Variants in NXPH2 observed in about 807,000 individuals in gnomAD.
The protein encoded by NXPH2 is neurexophilin-2.
Under a neutral mutation model 19.8 loss-of-function variants are expected in NXPH2, and 5 were observed. That is an observed-to-expected ratio of 0.25 (90% confidence interval 0.13 to 0.53). The LOEUF is 0.53. NXPH2 is among the 20% of genes least tolerant of loss of function. The pLI, the probability that NXPH2 is intolerant of heterozygous loss-of-function variation, is 0.96. For missense variants in NXPH2, 289 were observed against 322.8 expected, an observed-to-expected ratio of 0.90 and a Z score of 0.80; for synonymous variants, 154 against 127.4, an observed-to-expected ratio of 1.21 and a Z score of -1.41.
Position 138,752,237 on chromosome 2 carries a change from C to G in NXPH2, c.51+27954G>C, listed in dbSNP as rs202173133. ...TCTCTCAGCATCAGACTCCTTATCCCTAGATTGAAAGAAAAACACTGTCCC... is the reference window on the plus strand; with the variant it reads ...TCTCTCAGCATCAGACTCCTTATCCGTAGATTGAAAGAAAAACACTGTCCC... On this transcript the variant is annotated intron_variant, in intron 1 of 1. Transcript: ENST00000272641. 1.2e-4 allele frequency among the ~76,000 whole-genome samples: 18 copies of G among 152,128 alleles called. No homozygotes were observed. The East Asian group carries it at 3.5e-3, about 29-fold the overall frequency.
chr2:138,763,679 G>A (rs1402142327), intron 1 of NXPH2, among the ~76,000 whole-genome samples: 5 of 152,172 alleles, frequency 3.3e-5, no homozygotes, highest in African/African-American at 7.2e-5. Context: ...AAGTGTAGAA[G>A]TCTTGTCCCA....
At chr2:138,698,269 A>T (rs889186891) in intron 1 of NXPH2, among the ~76,000 whole-genome samples, 3 of 152,160 alleles carry the variant, frequency 2.0e-5, no homozygotes, top group African/African-American at 7.2e-5. Flanking sequence ...GGGGATACTC[A>T]TTTCTATAAT....
intron 1 of NXPH2, among the ~76,000 whole-genome samples, chr2:138,727,956 C>T (rs1183772356): frequency 6.6e-6 from 1 of 152,124 alleles, no homozygotes; most frequent in African/African-American, 2.4e-5. Context: ...TGCCAGGGTA[C>T]CAATCCTGGC....
At chr2:138,743,746 T>C (rs1681679511) in intron 1 of NXPH2, among the ~76,000 whole-genome samples, 2 of 152,144 alleles carry the variant, frequency 1.3e-5, no homozygotes, top group South Asian at 4.1e-4. Flanking sequence ...CTCATGCCTG[T>C]AATCCCAGCA....
intron 1 of NXPH2, among the ~76,000 whole-genome samples, chr2:138,689,108 C>T (rs983006740): frequency 1.3e-5 from 2 of 152,098 alleles, no homozygotes; most frequent in Admixed American, 6.5e-5. Flanking sequence ...CTGAAATTTC[C>T]TGGAGGTTTT....
At chr2:138,711,256 TCAGC>T (rs1681102149) in intron 1 of NXPH2, among the ~76,000 whole-genome samples, 1 of 148,198 alleles carries the variant, frequency 6.7e-6, no homozygotes, top group African/African-American at 2.5e-5. Flanking sequence ...TTCTCCTGCC[TCAGC>T]CTCCGGAGTA....
At chr2:138,677,532 G>A (rs779572145) in intron 1 of NXPH2, among the ~76,000 whole-genome samples, 12 of 152,188 alleles carry the variant, frequency 7.9e-5, no homozygotes, top group Non-Finnish European at 1.6e-4. Flanking sequence ...GGAAGGAAGG[G>A]AGTAGAAGAA....
intron 1 of NXPH2, among the ~76,000 whole-genome samples, chr2:138,732,660 T>C (rs1296992168): frequency 6.6e-6 from 1 of 152,158 alleles, no homozygotes; most frequent in Non-Finnish European, 1.5e-5. Flanking sequence ...TTTTTTCTTC[T>C]TCTCCTTCTT....
intron 1 of NXPH2, among the ~76,000 whole-genome samples, chr2:138,736,687 T>G (rs1386600824): frequency 6.6e-6 from 1 of 152,236 alleles, no homozygotes; most frequent in Non-Finnish European, 1.5e-5. Flanking sequence ...CTTGAATCTC[T>G]CCTCCAAAAA....
intron 1 of NXPH2, among the ~76,000 whole-genome samples, chr2:138,686,492 T>C (rs929151746): frequency 6.6e-6 from 1 of 152,214 alleles, no homozygotes; most frequent in Admixed American, 6.5e-5. Context: ...CAAAAAAAGC[T>C]ACTTTATTGA....
At chr2:138,739,295 G>T (rs544219584) in intron 1 of NXPH2, among the ~76,000 whole-genome samples, 4 of 152,302 alleles carry the variant, frequency 2.6e-5, no homozygotes, top group Non-Finnish European at 5.9e-5. Context: ...CACAGCCCCA[G>T]TGTGAATGAA....
rs201094202 is a variant in NXPH2, at chr2:138,671,276, T to A, written c.441A>T (p.Arg147=). The part of the protein sequence containing the change: ...HGNGTFSVYF[R]HNSTGLGNVS... ...CATTGCCCAGGCCTGTTGAATTATG[T>A]CGGAAATACACACTGAAGGTTCCAT... The change falls in exon 2 of 2, where the codon CGA becomes CGT. Residue 147 remains arginine (R), a synonymous_variant. Transcript: ENST00000272641. 2.2e-4 allele frequency: 353 copies of A among 1,613,956 alleles called. No individual in the cohort carries two copies. In the African/African-American group the frequency reaches 4.2e-3, roughly 19 times the overall value.
intron 1 of NXPH2, among the ~76,000 whole-genome samples, chr2:138,672,301 A>C (rs1263913707): frequency 1.3e-5 from 2 of 152,218 alleles, no homozygotes; most frequent in Non-Finnish European, 2.9e-5. Context: ...AGTAATGTAG[A>C]GAGGTATATT....
At chr2:138,754,663 T>G (rs977238420) in intron 1 of NXPH2, among the ~76,000 whole-genome samples, 3 of 151,310 alleles carry the variant, frequency 2.0e-5, no homozygotes, top group African/African-American at 7.2e-5. Flanking sequence ...CATGCAGACA[T>G]TTTTTGTGGA....
intron 1 of NXPH2, among the ~76,000 whole-genome samples, chr2:138,689,134 C>T (rs1680707360): frequency 6.6e-6 from 1 of 152,124 alleles, no homozygotes; most frequent in South Asian, 2.1e-4. Flanking sequence ...TTGGAATGTA[C>T]CCAAACGACC....
Position 138,683,885 on chromosome 2 carries a change from T to A in NXPH2, c.52-12220A>T, listed in dbSNP as rs145960634. On this transcript the variant is annotated intron_variant, in intron 1 of 1. Transcript: ENST00000272641. ...ACAGTATTTCACTTAAATGTAAATA[T>A]TCACAGTGTATTGGGGATTTTTACA... is the stretch of plus-strand genomic sequence containing the variant. 6.8e-4 allele frequency among the ~76,000 whole-genome samples: 103 copies of A among 152,346 alleles called. No individual in the cohort carries two copies. The Middle Eastern group carries it at 0.014, about 20-fold the overall frequency.
rs145786615 is a variant in NXPH2 at position 138,691,087 on chromosome 2, G to A, written c.52-19422C>T. 2.4e-3 allele frequency among the ~76,000 whole-genome samples: 359 copies of A among 152,322 alleles called. 5 individuals are homozygous for A. The highest frequency in any genetic ancestry group is 8.2e-3 in the African/African-American group (339 of 41,568). ...GAAAGTGTGGTGAATTCTGAGAATTGCATGAGGCTAGTGTGGAGAAAGGGC... is the reference window on the plus strand; with the variant it reads ...GAAAGTGTGGTGAATTCTGAGAATTACATGAGGCTAGTGTGGAGAAAGGGC... On this transcript the variant is annotated intron_variant, in intron 1 of 1. Coordinates refer to ENST00000272641, the MANE Select transcript of NXPH2 (RefSeq NM_007226.3).
intron 1 of NXPH2, among the ~76,000 whole-genome samples, chr2:138,776,732 T>C (rs1334884340): frequency 6.6e-6 from 1 of 151,938 alleles, no homozygotes; most frequent in Non-Finnish European, 1.5e-5. Context: ...AAGTTGTCAT[T>C]TTTGAATGGA....
intron 1 of NXPH2, among the ~76,000 whole-genome samples, chr2:138,720,615 G>T (rs930464438): frequency 2.0e-5 from 3 of 152,246 alleles, no homozygotes; most frequent in African/African-American, 7.2e-5. Context: ...CTCTGACAGT[G>T]AGGAGTGTGC....
Sources: allele counts gnomAD v4.1 joint callset (sites outside exome capture counted in the v4.1 genomes callset), GRCh38; gene constraint gnomAD v4.1.1; transcripts MANE v1.5; gene names NCBI Gene and HGNC (gene_info 2026-07-23, HGNC 2026-07-21).